The following SGCD variants were observed in gnomAD, a reference collection of about 807,000 sequenced individuals.
SGCD encodes sarcoglycan delta.
A neutral mutation model predicts 36.6 loss-of-function variants in SGCD; 18 were observed. The ratio of observed to expected loss-of-function variants is 0.49; its 90% confidence interval spans 0.34 to 0.73. The LOEUF is 0.73. Ranked by LOEUF, SGCD falls within the 30% of genes least tolerant of loss-of-function variation. The pLI is 0.01. For missense variants in SGCD, 387 were observed against 346.7 expected, an observed-to-expected ratio of 1.12 and a Z score of -0.92; for synonymous variants, 133 against 130.6, an observed-to-expected ratio of 1.02 and a Z score of -0.12.
chr5:156,472,839 GT>G (rs1441536262), intron 3 of SGCD, among the ~76,000 whole-genome samples: 2 of 152,170 alleles, frequency 1.3e-5, no homozygotes, highest in Non-Finnish European at 2.9e-5. Context: ...ACTAATCTAT[GT>G]GATAAAAGAG....
the SGCD span, among the ~76,000 whole-genome samples, chr5:155,743,374 T>A: frequency 6.6e-6 from 1 of 152,184 alleles, no homozygotes; most frequent in Non-Finnish European, 1.5e-5. Flanking sequence ...AACAAAAGAT[T>A]CTTCTAGCTC....
chr5:155,871,411 G>C (rs1329090196), intron 1 of SGCD, among the ~76,000 whole-genome samples: 1 of 152,122 alleles, frequency 6.6e-6, no homozygotes, highest in Non-Finnish European at 1.5e-5. Flanking sequence ...TTAATTCAGA[G>C]AAACTTTATT....
At chr5:155,736,006 T>C in the SGCD span, among the ~76,000 whole-genome samples, 1 of 152,144 alleles carries the variant, frequency 6.6e-6, no homozygotes, top group African/African-American at 2.4e-5. Flanking sequence ...AACCCTTTTT[T>C]AGATGGGAAG....
At chr5:156,474,074 G>A (rs1318976542) in intron 3 of SGCD, among the ~76,000 whole-genome samples, 1 of 151,630 alleles carries the variant, frequency 6.6e-6, no homozygotes, top group African/African-American at 2.4e-5. Flanking sequence ...GGGAGGGAGA[G>A]CACTTTGTCT....
chr5:156,338,550 G>A (rs1057142660), intron 2 of SGCD, among the ~76,000 whole-genome samples: 2 of 152,180 alleles, frequency 1.3e-5, no homozygotes, highest in African/African-American at 4.8e-5. Context: ...TCTAATCAGA[G>A]CAGTTTCTCT....
the SGCD span, among the ~76,000 whole-genome samples, chr5:155,741,905 G>A: frequency 3.9e-5 from 6 of 151,974 alleles, no homozygotes; most frequent in East Asian, 3.9e-4. Context: ...GGCTGGTGTC[G>A]AACTCCTAGG....
intron 7 of SGCD, among the ~76,000 whole-genome samples, chr5:156,735,932 C>CT (rs1309616645): frequency 1.3e-5 from 2 of 152,166 alleles, no homozygotes; most frequent in East Asian, 3.8e-4. Flanking sequence ...ACTGAAGGCC[C>CT]TGGTGGAGTG....
At chr5:155,938,643 C>G (rs1017598207) in intron 1 of SGCD, among the ~76,000 whole-genome samples, 7 of 152,146 alleles carry the variant, frequency 4.6e-5, no homozygotes, top group African/African-American at 1.4e-4. Context: ...AGCTGTTCCC[C>G]ACTGTGAATG....
intron 1 of SGCD, among the ~76,000 whole-genome samples, chr5:156,026,587 T>A (rs1581049145): frequency 6.6e-6 from 1 of 152,190 alleles, no homozygotes; most frequent in African/African-American, 2.4e-5. Flanking sequence ...ATTCAAGAAT[T>A]TTGTCCTTGG....
At chr5:156,291,745 T>C (rs1467013092) in intron 3 of SGCD, among the ~76,000 whole-genome samples, 1 of 152,134 alleles carries the variant, frequency 6.6e-6, no homozygotes, top group East Asian at 1.9e-4. Flanking sequence ...TTATTATCTT[T>C]TTAAGATGAC....
At chr5:156,619,314 C>T (rs1403679014) in intron 6 of SGCD, among the ~76,000 whole-genome samples, 3 of 151,974 alleles carry the variant, frequency 2.0e-5, no homozygotes, top group Non-Finnish European at 2.9e-5. Context: ...CGTGAGCTGC[C>T]GAGCCGGCCG....
intron 6 of SGCD, among the ~76,000 whole-genome samples, chr5:156,617,031 G>C (rs1182039650): frequency 6.6e-6 from 1 of 152,094 alleles, no homozygotes; most frequent in African/African-American, 2.4e-5. Flanking sequence ...TTCTTCTTCA[G>C]GCTAGTTATC....
rs73810351 is a variant in SGCD at position 155,928,169 on chromosome 5, T to A, written c.-282+57745T>A. On this transcript the variant is annotated intron_variant, in intron 1 of 9. Transcript: ENST00000517913. ...TGGAAGGGAGGTAGCTATTTTTTGATGCCCCACTTCCTAGGTGGCCCTCTT... is the reference window on the plus strand; with the variant it reads ...TGGAAGGGAGGTAGCTATTTTTTGAAGCCCCACTTCCTAGGTGGCCCTCTT... Among the ~76,000 whole-genome samples, 1,375 of 152,320 alleles carry A rather than the reference T, an allele frequency of 9.0e-3. 27 individuals are homozygous for A. The highest frequency in any genetic ancestry group is 0.031 in the African/African-American group (1,273 of 41,580).
chr5:155,765,346 A>G, the SGCD span, among the ~76,000 whole-genome samples: 1 of 144,946 alleles, frequency 6.9e-6, no homozygotes, highest in Non-Finnish European at 1.5e-5. Flanking sequence ...AAGGAAGGGA[A>G]AGAGAGAGGG....
chr5:156,368,859 A>G (rs1770243693), intron 3 of SGCD, among the ~76,000 whole-genome samples: 1 of 152,224 alleles, frequency 6.6e-6, no homozygotes, highest in Non-Finnish European at 1.5e-5. Context: ...ATTCTACATT[A>G]TGCTGAATTG....
At chr5:156,030,663 T>C (rs1282005793) in intron 1 of SGCD, among the ~76,000 whole-genome samples, 1 of 151,930 alleles carries the variant, frequency 6.6e-6, no homozygotes, top group African/African-American at 2.4e-5. Context: ...GACGGGTGAG[T>C]TGAATGCTTT....
At chr5:156,164,396 T>C in intron 3 of SGCD, among the ~76,000 whole-genome samples, 1 of 147,944 alleles carries the variant, frequency 6.8e-6, no homozygotes, top group Admixed American at 6.6e-5. Context: ...TTTTTTCCCC[T>C]TTCTTTTCTC....
chr5:155,893,403 G>C (rs1756180692), intron 1 of SGCD, among the ~76,000 whole-genome samples: 1 of 152,130 alleles, frequency 6.6e-6, no homozygotes, highest in Non-Finnish European at 1.5e-5. Context: ...ATATAGAATA[G>C]ATTAAAGAAA....
intron 3 of SGCD, among the ~76,000 whole-genome samples, chr5:156,355,049 G>A (rs1210971190): frequency 6.6e-6 from 1 of 152,190 alleles, no homozygotes; most frequent in East Asian, 1.9e-4. Context: ...CACTTGTCAT[G>A]TCACAATGTT....
Sources: gnomAD v4.1 joint callset for allele counts (sites outside exome capture counted in the v4.1 genomes callset) on GRCh38, gnomAD v4.1.1 for gene constraint, MANE v1.5 for transcripts, NCBI Gene and HGNC (gene_info 2026-07-23, HGNC 2026-07-21) for gene names.